The following PTPRK variants were observed in gnomAD, a reference collection of about 807,000 sequenced individuals.
PTPRK encodes the protein receptor-type tyrosine-protein phosphatase kappa.
PTPRK carries 75 observed loss-of-function variants against 178.0 expected under a neutral mutation model. That is an observed-to-expected ratio of 0.42 (90% CI 0.35 to 0.51). The LOEUF is 0.51. PTPRK is among the 20% of genes least tolerant of loss of function. PTPRK has a pLI of 0.02. For synonymous variants in PTPRK, 637 were observed against 620.6 expected, an observed-to-expected ratio of 1.03 and a Z score of -0.39; for missense variants, 1,441 against 1,797.8, an observed-to-expected ratio of 0.80 and a Z score of 3.59.
At chr6:128,330,660 G>A (rs753940003) in intron 2 of PTPRK, among the ~76,000 whole-genome samples, 3 of 152,102 alleles carry the variant, frequency 2.0e-5, no homozygotes, top group East Asian at 1.9e-4. Flanking sequence ...CCCTACAATC[G>A]TTTCTGATAC....
chr6:128,228,180 A>T (rs1811686989), intron 5 of PTPRK, among the ~76,000 whole-genome samples: 3 of 152,102 alleles, frequency 2.0e-5, no homozygotes, highest in Non-Finnish European at 4.4e-5. Flanking sequence ...TAACTACAGT[A>T]AAGTCAACAG....
At chr6:128,076,633 T>C (rs902936376) in intron 11 of PTPRK, among the ~76,000 whole-genome samples, 1 of 152,074 alleles carries the variant, frequency 6.6e-6, no homozygotes, top group African/African-American at 2.4e-5. Flanking sequence ...TCCAACAATG[T>C]ATAATTTGAA....
intron 3 of PTPRK, among the ~76,000 whole-genome samples, chr6:128,313,372 A>AC (rs1372556407): frequency 1.3e-5 from 2 of 152,132 alleles, no homozygotes; most frequent in Admixed American, 1.3e-4. Flanking sequence ...CTATAATACT[A>AC]TTGGAGGAAA....
chr6:127,992,405 C>T (rs1226442990), intron 19 of PTPRK, among the ~76,000 whole-genome samples: 1 of 151,704 alleles, frequency 6.6e-6, no homozygotes, highest in African/African-American at 2.4e-5. Context: ...TTGACTAGTG[C>T]TCTGACCTAT....
chr6:128,114,733 T>C (rs1444044384), intron 7 of PTPRK, among the ~76,000 whole-genome samples: 1 of 145,650 alleles, frequency 6.9e-6, no homozygotes, highest in African/African-American at 2.6e-5. Flanking sequence ...TCAACTTATG[T>C]GGATTATGAT....
At chr6:128,387,348 A>G (rs1162363433) in intron 2 of PTPRK, among the ~76,000 whole-genome samples, 8 of 152,210 alleles carry the variant, frequency 5.3e-5, no homozygotes, top group Non-Finnish European at 1.0e-4. Context: ...ATTTATAGCA[A>G]CACAAATGAT....
At chr6:128,124,559 TAAA>T (rs1466246678) in intron 7 of PTPRK, among the ~76,000 whole-genome samples, 1 of 152,060 alleles carries the variant, frequency 6.6e-6, no homozygotes. Flanking sequence ...TCATGGCCCT[TAAA>T]AAACTCTCAG....
At chr6:128,257,960 G>A (rs762670156) in intron 3 of PTPRK, among the ~76,000 whole-genome samples, 5 of 151,974 alleles carry the variant, frequency 3.3e-5, no homozygotes, top group African/African-American at 1.2e-4. Flanking sequence ...TCTCTGATTT[G>A]TAAATAGACC....
intron 13 of PTPRK, among the ~76,000 whole-genome samples, chr6:128,026,526 C>T (rs914533218): frequency 5.3e-5 from 8 of 152,132 alleles, no homozygotes. Flanking sequence ...TAACTAAATT[C>T]TGCTCTCTAG....
At position 128,291,665 on chromosome 6, in the gene PTPRK, T is replaced by C. The variant is rs1823403519; in HGVS notation, c.495+30374A>G. The stretch of plus-strand genomic sequence containing the variant: ...GCTGTGGTTATAATGAGCAATCTCT[T>C]CAGGAGTACTATACCCTTTCTCAAC... On this transcript the variant is annotated intron_variant, in intron 3 of 29. Transcript: ENST00000368226. Among the ~76,000 whole-genome samples the C allele has an allele frequency of 4.6e-5, 7 of 152,118 alleles. No homozygotes were observed. In the South Asian group the frequency reaches 1.4e-3, roughly 31 times the overall value.
At chr6:127,989,630 G>T (rs1383396520) in intron 21 of PTPRK, among the ~76,000 whole-genome samples, 1 of 151,970 alleles carries the variant, frequency 6.6e-6, no homozygotes, top group Non-Finnish European at 1.5e-5. Context: ...TTTAAAGAAG[G>T]TTTGTAGCGA....
chr6:128,222,091 A>G (rs1810515962), intron 5 of PTPRK, among the ~76,000 whole-genome samples: 1 of 152,298 alleles, frequency 6.6e-6, no homozygotes, highest in South Asian at 2.1e-4. Flanking sequence ...CTTCTGCACG[A>G]CTAGCCAATT....
chr6:128,443,154 C>A (rs1041036595), intron 1 of PTPRK, among the ~76,000 whole-genome samples: 4 of 151,942 alleles, frequency 2.6e-5, no homozygotes, highest in Admixed American at 2.6e-4. Flanking sequence ...TGAGGTCATT[C>A]TGAAAAACAG....
At chr6:128,212,042 A>G (rs1808289170) in intron 6 of PTPRK, among the ~76,000 whole-genome samples, 1 of 152,062 alleles carries the variant, frequency 6.6e-6, no homozygotes, top group South Asian at 2.1e-4. Context: ...AAGGGGTTTC[A>G]ATGAAATAGT....
intron 7 of PTPRK, among the ~76,000 whole-genome samples, chr6:128,147,202 T>C (rs1006912992): frequency 1.3e-5 from 2 of 151,944 alleles, no homozygotes; most frequent in Non-Finnish European, 2.9e-5. Context: ...TGAACAGATA[T>C]TGGAAACATT....
At chr6:128,073,950 C>A (rs74933136) in intron 11 of PTPRK, among the ~76,000 whole-genome samples, 2,782 of 151,966 alleles carry the variant, frequency 0.018, 72 homozygotes, top group East Asian at 0.056. Context: ...TATTTGATAT[C>A]TTTAAATTTA....
At chr6:128,222,492 T>C (rs1303110157) in intron 5 of PTPRK, among the ~76,000 whole-genome samples, 4 of 152,162 alleles carry the variant, frequency 2.6e-5, no homozygotes, top group African/African-American at 4.8e-5. Flanking sequence ...CCTGTGAATA[T>C]TCCCATTGAT....
intron 1 of PTPRK, among the ~76,000 whole-genome samples, chr6:128,448,212 T>C (rs944451622): frequency 4.6e-5 from 7 of 152,202 alleles, no homozygotes; most frequent in Non-Finnish European, 8.8e-5. Context: ...ACAGATGCTA[T>C]AGATACTTCA....
intron 1 of PTPRK, among the ~76,000 whole-genome samples, chr6:128,448,271 G>T (rs1009735092): frequency 5.9e-5 from 9 of 152,068 alleles, no homozygotes; most frequent in Non-Finnish European, 1.3e-4. Context: ...TATAACCTTG[G>T]TTCTGGAGTT....
Sources: gnomAD v4.1 joint callset for allele counts (sites outside exome capture counted in the v4.1 genomes callset) on GRCh38, gnomAD v4.1.1 for gene constraint, MANE v1.5 for transcripts, NCBI Gene and HGNC (gene_info 2026-07-23, HGNC 2026-07-21) for gene names.